AP2B1: variants seen among roughly 807,000 people sequenced by gnomAD.
AP2B1 encodes the protein AP-2 complex subunit beta.
A neutral mutation model predicts 102.0 loss-of-function variants in AP2B1; 23 were observed. That is an observed-to-expected ratio of 0.23 (90% confidence interval 0.16 to 0.32). AP2B1 has a LOEUF of 0.32. Among genes scored for constraint, AP2B1 ranks in the 10% least tolerant of loss-of-function variants. AP2B1 has a pLI of 1.00. For missense variants in AP2B1, 541 were observed against 1,157.4 expected (o/e 0.47, Z 7.73); for synonymous variants, 381 against 421.2 (o/e 0.90, Z 1.17).
At chr17:35,680,699 TG>T (rs1424177353) in intron 17 of AP2B1, among the ~76,000 whole-genome samples, 131 of 142,908 alleles carry the variant, frequency 9.2e-4, no homozygotes, top group African/African-American at 2.9e-3. Flanking sequence ...TTTTTTTTTT[TG>T]TTTTTTTTTT....
At position 35,658,301 on chromosome 17, in the gene AP2B1, A is replaced by G. The variant is rs185097290; in HGVS notation, c.1989+510A>G. ...CTTCTTCTTTTTTTTTTTTTAAGTA[A>G]AATGTACCTTTATTACAGTTGGGAA... On this transcript the variant is annotated intron_variant, in intron 14 of 21. Coordinates refer to ENST00000610402, the MANE Select transcript of AP2B1 (RefSeq NM_001030006.2). Among the ~76,000 whole-genome samples, 182 of 146,986 alleles carry G rather than the reference A, an allele frequency of 1.2e-3. 1 individual carries two copies. The highest frequency in any genetic ancestry group is 4.5e-3 in the African/African-American group (177 of 39,158).
At chr17:35,595,208 T>C (rs1407751213) in intron 2 of AP2B1, among the ~76,000 whole-genome samples, 1 of 152,144 alleles carries the variant, frequency 6.6e-6, no homozygotes, top group Admixed American at 6.6e-5. Context: ...CTCAGCCTGA[T>C]TTCAGTTGTC....
intron 18 of AP2B1, among the ~76,000 whole-genome samples, chr17:35,690,084 C>G (rs1188455106): frequency 6.6e-6 from 1 of 152,106 alleles, no homozygotes; most frequent in Non-Finnish European, 1.5e-5. Flanking sequence ...ATGTGTTAGA[C>G]TACTGGATAT....
At chr17:35,664,514 T>C (rs1032679422) in intron 14 of AP2B1, among the ~76,000 whole-genome samples, 1 of 152,212 alleles carries the variant, frequency 6.6e-6, no homozygotes, top group Non-Finnish European at 1.5e-5. Context: ...TTGTCAGGCT[T>C]TTGTCCTTTT....
intron 3 of AP2B1, among the ~76,000 whole-genome samples, chr17:35,600,114 C>T (rs1380425679): frequency 1.3e-5 from 2 of 152,090 alleles, no homozygotes; most frequent in East Asian, 3.9e-4. Context: ...CAGAGTCTTA[C>T]TCTGTCACCC....
At chr17:35,703,259 C>T (rs1241142771) in intron 18 of AP2B1, among the ~76,000 whole-genome samples, 86 of 71,658 alleles carry the variant, frequency 1.2e-3, no homozygotes, top group African/African-American at 5.9e-3. Flanking sequence ...AGCCAGACTC[C>T]ATCTCAAAAA....
intron 3 of AP2B1, 40 bp from the exon 4 acceptor site, chr17:35,605,665 C>G (rs1383075596): frequency 6.7e-7 from 1 of 1,494,792 alleles, no homozygotes; most frequent in South Asian, 1.2e-5. Flanking sequence ...GGCACCAACA[C>G]CTGCTTACTT....
chr17:35,637,129 G>A (rs1191489044), intron 10 of AP2B1, among the ~76,000 whole-genome samples: 3 of 152,232 alleles, frequency 2.0e-5, no homozygotes, highest in African/African-American at 4.8e-5. Context: ...ATCTGAAAAT[G>A]AAATAAAAGC....
intron 12 of AP2B1, among the ~76,000 whole-genome samples, chr17:35,648,379 G>C (rs187938744): frequency 2.4e-4 from 36 of 152,174 alleles, no homozygotes; most frequent in Admixed American, 2.4e-3. Flanking sequence ...AGCTGGGTGT[G>C]GTGGTGCGTA....
intron 13 of AP2B1, 47 bp from the exon 14 acceptor site, chr17:35,657,552 G>A: frequency 6.5e-7 from 1 of 1,545,468 alleles, no homozygotes; most frequent in Non-Finnish European, 8.8e-7. Context: ...TGTCCTAGGT[G>A]AAACTGACTT....
rs982637435 is a variant in AP2B1 at position 35,692,382 on chromosome 17, G to A, written c.2454+9558G>A. 3.9e-5 allele frequency among the ~76,000 whole-genome samples: 6 copies of A among 152,268 alleles called. No homozygotes were observed. The South Asian group carries it at 6.2e-4, about 16-fold the overall frequency. ...AGCTAGGAGTTAATGATGGATAATG[G>A]CATTAGTTTTATGTTTCTAATTTAA... is the stretch of plus-strand genomic sequence containing the variant. On this transcript the variant is annotated intron_variant, in intron 18 of 21. Coordinates refer to ENST00000610402, the MANE Select transcript of AP2B1 (RefSeq NM_001030006.2).
In AP2B1 at chr17:35,616,142, C is replaced by CT. The variant is rs71152739; in HGVS notation, c.525+7794dup. The stretch of plus-strand genomic sequence containing the variant: ...TGAACTTAGGTTTTAAAAAATATCT[C>CT]TTTTTTTTTTTTTTTTTTTTTTTTT... On this transcript the variant is annotated intron_variant, in intron 5 of 21. Transcript: ENST00000610402. Among the ~76,000 whole-genome samples the CT allele has an allele frequency of 5.7e-4, 33 of 57,434 alleles. 9 individuals carry two copies. The highest frequency in any genetic ancestry group is 7.6e-4 in the Non-Finnish European group (25 of 32,994). 37.7% of individuals were successfully genotyped at this position (57,434 alleles called of 152,430 possible). A position where few individuals can be genotyped will look rare whatever the true frequency, so the allele number is the denominator to read the frequency against.
At chr17:35,672,181 T>C (rs2075603253) in intron 16 of AP2B1, among the ~76,000 whole-genome samples, 1 of 152,194 alleles carries the variant, frequency 6.6e-6, no homozygotes, top group African/African-American at 2.4e-5. Context: ...AACATTGAAG[T>C]CAATCTAGTG....
At chr17:35,588,012 T>C (rs373196895) in intron 1 of AP2B1, 1 of 151,566 alleles carries the variant, frequency 6.6e-6, no homozygotes, top group African/African-American at 2.4e-5. Context: ...ACCTCCAGAA[T>C]TGACCCGATG....
chr17:35,693,228 G>A (rs1187267293), intron 18 of AP2B1, among the ~76,000 whole-genome samples: 2 of 151,948 alleles, frequency 1.3e-5, no homozygotes, highest in East Asian at 3.9e-4. Flanking sequence ...CACCATGTTG[G>A]CCAGGATGGT....
chr17:35,636,789 T>G (rs1309360112), intron 10 of AP2B1, among the ~76,000 whole-genome samples: 1 of 152,242 alleles, frequency 6.6e-6, no homozygotes, highest in African/African-American at 2.4e-5. Flanking sequence ...AGTTTATACC[T>G]GTTATCCAGA....
intron 20 of AP2B1, chr17:35,713,750 G>C (rs782373961): frequency 6.6e-6 from 1 of 152,216 alleles, no homozygotes; most frequent in Non-Finnish European, 1.5e-5. Context: ...TAAAGAAAGA[G>C]ACCCTCTTCC....
intron 11 of AP2B1, among the ~76,000 whole-genome samples, chr17:35,641,426 T>A (rs1005576863): frequency 1.3e-5 from 2 of 152,040 alleles, no homozygotes; most frequent in African/African-American, 4.8e-5. Flanking sequence ...TACAAAAATT[T>A]TAAAAATTAG....
chr17:35,689,991 A>C (rs2076009305), intron 18 of AP2B1, among the ~76,000 whole-genome samples: 1 of 152,022 alleles, frequency 6.6e-6, no homozygotes, highest in Admixed American at 6.5e-5. Flanking sequence ...AGTTTTCCCC[A>C]ATTTTGGAAA....
Sources: gnomAD v4.1 joint callset for allele counts (sites outside exome capture counted in the v4.1 genomes callset) on GRCh38, gnomAD v4.1.1 for gene constraint, MANE v1.5 for transcripts, NCBI Gene and HGNC (gene_info 2026-07-23, HGNC 2026-07-21) for gene names.